PPARGC1A: variants seen among roughly 807,000 people sequenced by gnomAD.
PPARGC1A encodes PPARG coactivator 1 alpha, also known as peroxisome proliferator-activated receptor gamma coactivator 1-alpha.
A neutral mutation model predicts 88.7 loss-of-function variants in PPARGC1A; 25 were observed. The observed-to-expected ratio is 0.28, with a 90% CI of 0.21 to 0.39. The LOEUF (loss-of-function observed/expected upper bound fraction) is 0.39, where lower values mean the gene tolerates loss of function less well. Ranked by LOEUF, PPARGC1A falls within the 10% of genes least tolerant of loss-of-function variation. The pLI, the probability that PPARGC1A is intolerant of heterozygous loss-of-function variation, is 1.00. For synonymous variants in PPARGC1A, 363 were observed against 355.6 expected, an observed-to-expected ratio of 1.02 and a Z score of -0.24; for missense variants, 880 against 968.7, an observed-to-expected ratio of 0.91 and a Z score of 1.22.
At chr4:24,349,203 C>T in the PPARGC1A span, among the ~76,000 whole-genome samples, 2 of 152,162 alleles carry the variant, frequency 1.3e-5, no homozygotes, top group Non-Finnish European at 2.9e-5. Context: ...GTGGAGGTAG[C>T]AGAGGGTGCA....
chr4:24,061,593 A>G, the PPARGC1A span, among the ~76,000 whole-genome samples: 1 of 152,256 alleles, frequency 6.6e-6, no homozygotes, highest in African/African-American at 2.4e-5. Flanking sequence ...CAGACCATAC[A>G]CTAAGCAATA....
At chr4:24,445,642 G>A in the PPARGC1A span, among the ~76,000 whole-genome samples, 124 of 152,260 alleles carry the variant, frequency 8.1e-4, no homozygotes, top group Middle Eastern at 3.4e-3. Context: ...TTTAATCTGG[G>A]TGGGGCAAGA....
At chr4:23,968,701 G>A in the PPARGC1A span, among the ~76,000 whole-genome samples, 2 of 152,090 alleles carry the variant, frequency 1.3e-5, no homozygotes, top group Non-Finnish European at 2.9e-5. Context: ...GATCACCTGA[G>A]GTCAGGAGTT....
the PPARGC1A span, among the ~76,000 whole-genome samples, chr4:23,966,683 C>A: frequency 6.6e-6 from 1 of 152,210 alleles, no homozygotes; most frequent in African/African-American, 2.4e-5. Context: ...TGAATATGGA[C>A]TCTCTCAACT....
At chr4:24,414,873 TG>T in the PPARGC1A span, among the ~76,000 whole-genome samples, 1 of 152,268 alleles carries the variant, frequency 6.6e-6, no homozygotes, top group East Asian at 1.9e-4. Context: ...GCAGCCATAT[TG>T]GTCTATGAGG....
the PPARGC1A span, among the ~76,000 whole-genome samples, chr4:24,420,961 T>C: frequency 6.6e-6 from 1 of 152,224 alleles, no homozygotes; most frequent in South Asian, 2.1e-4. Flanking sequence ...TGGCAGAAAA[T>C]GTTAAAAGCA....
the PPARGC1A span, among the ~76,000 whole-genome samples, chr4:24,414,082 G>C: frequency 6.6e-6 from 1 of 152,294 alleles, no homozygotes; most frequent in South Asian, 2.1e-4. Flanking sequence ...GTAAGCATTT[G>C]TTAATTACCA....
intron 12 of PPARGC1A, among the ~76,000 whole-genome samples, chr4:23,796,468 C>T (rs1251966633): frequency 6.6e-6 from 1 of 152,038 alleles, no homozygotes; most frequent in Non-Finnish European, 1.5e-5. Context: ...AAATTCTCCC[C>T]AAATTGGAAG....
chr4:24,279,534 GT>G, the PPARGC1A span, among the ~76,000 whole-genome samples: 1 of 152,136 alleles, frequency 6.6e-6, no homozygotes, highest in Admixed American at 6.5e-5. Context: ...TTATCGTTGT[GT>G]CTAGCTCTCA....
At chr4:24,091,366 A>T in the PPARGC1A span, 20 of 877,344 alleles carry the variant, frequency 2.3e-5, no homozygotes, top group Non-Finnish European at 2.7e-5. Context: ...GTGCTTGCAG[A>T]TAGCACAGTT....
the PPARGC1A span, among the ~76,000 whole-genome samples, chr4:23,945,028 T>C: frequency 6.6e-6 from 1 of 152,088 alleles, no homozygotes; most frequent in Middle Eastern, 3.2e-3. Flanking sequence ...TCCTGATCTT[T>C]AAAATAAAAA....
the PPARGC1A span, among the ~76,000 whole-genome samples, chr4:24,298,684 T>G: frequency 6.6e-6 from 1 of 152,182 alleles, no homozygotes; most frequent in Non-Finnish European, 1.5e-5. Flanking sequence ...AAAAAGACAC[T>G]GTCTGAGCTT....
At chr4:24,194,617 C>A in the PPARGC1A span, among the ~76,000 whole-genome samples, 1 of 20,610 alleles carries the variant, frequency 4.9e-5, no homozygotes, top group African/African-American at 1.8e-4. Flanking sequence ...CACACACGCG[C>A]GCGCACGCGC....
chr4:23,962,627 G>A, the PPARGC1A span, among the ~76,000 whole-genome samples: 4 of 152,240 alleles, frequency 2.6e-5, no homozygotes, highest in East Asian at 5.8e-4. Flanking sequence ...AATCCCCAAA[G>A]TCAATACAAG....
the PPARGC1A span, among the ~76,000 whole-genome samples, chr4:24,282,455 G>T: frequency 6.6e-6 from 1 of 152,194 alleles, no homozygotes; most frequent in African/African-American, 2.4e-5. Context: ...AAAAAGAAAG[G>T]CTGGTATTTT....
chr4:24,470,817 T>C, the PPARGC1A span, among the ~76,000 whole-genome samples: 1 of 151,330 alleles, frequency 6.6e-6, no homozygotes, highest in Non-Finnish European at 1.5e-5. This position sits in a 1 kb window ranked among gnomAD's most constrained non-coding sequence, Gnocchi z 5.8. Context: ...GCGGCCCTTA[T>C]GTATTATTCA....
At chr4:24,318,637 A>G in the PPARGC1A span, among the ~76,000 whole-genome samples, 1 of 152,234 alleles carries the variant, frequency 6.6e-6, no homozygotes, top group Non-Finnish European at 1.5e-5. Context: ...TAAGCACTGA[A>G]AAAAGCACAG....
the PPARGC1A span, among the ~76,000 whole-genome samples, chr4:24,233,853 C>G: frequency 6.6e-6 from 1 of 152,204 alleles, no homozygotes; most frequent in African/African-American, 2.4e-5. Context: ...AAATCAAAAA[C>G]AGAATTTAAA....
the PPARGC1A span, among the ~76,000 whole-genome samples, chr4:24,125,410 C>T: frequency 1.2e-4 from 18 of 152,098 alleles, 1 homozygote; most frequent in Admixed American, 1.2e-3. Context: ...GATTACGTAA[C>T]CTGGAGCTGT....
Sources: allele counts gnomAD v4.1 joint callset (sites outside exome capture counted in the v4.1 genomes callset), GRCh38; gene constraint gnomAD v4.1.1; non-coding constraint Gnocchi (gnomAD v3.1); transcripts MANE v1.5; gene names NCBI Gene and HGNC (gene_info 2026-07-23, HGNC 2026-07-21).